Variants in FAM135B observed in about 807,000 individuals in gnomAD.
FAM135B encodes the protein protein FAM135B.
A neutral mutation model predicts 127.7 loss-of-function variants in FAM135B; 43 were observed. The ratio of observed to expected loss-of-function variants is 0.34; its 90% confidence interval spans 0.26 to 0.43. FAM135B has a LOEUF of 0.43. Among genes scored for constraint, FAM135B ranks in the 20% least tolerant of loss-of-function variants. The probability of loss-of-function intolerance (pLI) is 1.00; values close to 1 mark genes in which losing one functional copy is unlikely to be tolerated. For missense variants in FAM135B, 1,558 were observed against 1,725.6 expected (o/e 0.90, Z 1.72); for synonymous variants, 670 against 665.1 (o/e 1.01, Z -0.11).
rs2131113076 is a variant in FAM135B, at chr8:138,195,287, T to C, written c.844A>G (p.Thr282Ala). 6.2e-7 allele frequency: 1 copy of C among 1,613,888 alleles called. No homozygotes were observed. Among genetic ancestry groups the C allele is most frequent in the Non-Finnish European group, 8.5e-7 (1 of 1,179,964 alleles). Reference protein sequence around the residue: ...TELEALAVEETLSQLCSELQM... With the variant: ...TELEALAVEEALSQLCSELQM... ...AGCTCTGAGCACAGCTGAGAAAGTG[T>C]TTCTTCAACAGCAAGGGCCTCTAGA... The change falls in exon 9 of 20, where the codon ACA (threonine) becomes GCA (alanine). Residue 282 changes from threonine to alanine, a missense_variant. Physicochemically the swap from Thr to Ala is moderately conservative, Grantham distance 58. This residue lies in a region of FAM135B where 115 missense variants were observed against 171.1 expected (regional missense o/e 0.67). Transcript: ENST00000395297.
chr8:138,344,322 A>G (rs1303309889), intron 2 of FAM135B, among the ~76,000 whole-genome samples: 1 of 152,208 alleles, frequency 6.6e-6, no homozygotes, highest in African/African-American at 2.4e-5. Context: ...GATGCCCAAC[A>G]GAGAATCACA....
intron 1 of FAM135B, among the ~76,000 whole-genome samples, chr8:138,398,186 C>T (rs1032742202): frequency 6.6e-5 from 10 of 152,174 alleles, no homozygotes; most frequent in Non-Finnish European, 1.2e-4. Flanking sequence ...ACCCAGCACC[C>T]ATCAGAGCCC....
In FAM135B at chr8:138,139,055, G is replaced by A. The variant is rs1816903415; in HGVS notation, c.3832C>T (p.Leu1278=). Residue 1278 remains leucine, a synonymous_variant, in exon 18 of 20, where the codon CTG becomes TTG. Transcript: ENST00000395297. ...MQKLKKSGSL[L]QLTFRDNADL... ...GCATTATCCCTGAAGGTCAGCTGCA[G>A]TAGAGACCCGGATTTCTTCAGTTTC... 1 of 1,613,772 alleles carries A rather than the reference G, an allele frequency of 6.2e-7. No individual in the cohort carries two copies. Among genetic ancestry groups the A allele is most frequent in the Admixed American group, 1.7e-5 (1 of 60,002 alleles).
At chr8:138,302,712 C>T (rs12680916) in intron 3 of FAM135B, among the ~76,000 whole-genome samples, 13,389 of 152,262 alleles carry the variant, frequency 0.088, 1,063 homozygotes, top group East Asian at 0.25. Flanking sequence ...GGGCCTCCCC[C>T]CTCCCAAGCC....
intron 12 of FAM135B, among the ~76,000 whole-genome samples, chr8:138,157,516 T>C (rs981541325): frequency 1.3e-5 from 2 of 152,186 alleles, no homozygotes; most frequent in African/African-American, 4.8e-5. Context: ...TGTCTCTGTT[T>C]GCAGATGACA....
chr8:138,185,107 G>A (rs1815429608), intron 9 of FAM135B, among the ~76,000 whole-genome samples: 1 of 152,144 alleles, frequency 6.6e-6, no homozygotes, highest in South Asian at 2.1e-4. Context: ...TGCGGGACAG[G>A]GAAAGGAGAG....
intron 4 of FAM135B, 114 bp downstream of exon 4, chr8:138,265,589 G>A (rs1322109824): frequency 2.6e-5 from 31 of 1,200,340 alleles, no homozygotes; most frequent in Non-Finnish European, 3.4e-5. Context: ...ACTAATCTCT[G>A]TCAGATTTCA....
chr8:138,150,052 G>A (rs531829155), intron 13 of FAM135B, among the ~76,000 whole-genome samples: 6 of 152,276 alleles, frequency 3.9e-5, no homozygotes, highest in South Asian at 2.1e-4. Flanking sequence ...TGGAGACACC[G>A]TTAATATGTA....
At chr8:138,378,111 C>T (rs1352403461) in intron 1 of FAM135B, among the ~76,000 whole-genome samples, 1 of 152,312 alleles carries the variant, frequency 6.6e-6, no homozygotes, top group South Asian at 2.1e-4. Context: ...TGTTTACATG[C>T]AGAATTGGGG....
intron 2 of FAM135B, among the ~76,000 whole-genome samples, chr8:138,349,264 C>T (rs1354567289): frequency 6.6e-6 from 1 of 152,200 alleles, no homozygotes; most frequent in African/African-American, 2.4e-5. Flanking sequence ...GGACCCAGAA[C>T]ATGTGTTTTG....
At chr8:138,175,070 T>C (rs908954981) in intron 11 of FAM135B, among the ~76,000 whole-genome samples, 1 of 152,224 alleles carries the variant, frequency 6.6e-6, no homozygotes, top group Admixed American at 6.5e-5. Flanking sequence ...AGTAACTAGT[T>C]TGATGTCACA....
At chr8:138,447,318 G>A (rs1243610471) in intron 1 of FAM135B, among the ~76,000 whole-genome samples, 1 of 152,012 alleles carries the variant, frequency 6.6e-6, no homozygotes, top group Non-Finnish European at 1.5e-5. Flanking sequence ...TATACCCAAA[G>A]GATTATAAAT....
At chr8:138,168,490 AC>A (rs1190236050) in intron 11 of FAM135B, among the ~76,000 whole-genome samples, 17 of 152,114 alleles carry the variant, frequency 1.1e-4, no homozygotes, top group African/African-American at 4.1e-4. Flanking sequence ...TTGAATTAAA[AC>A]CTATCTAAAA....
chr8:138,349,806 T>C (rs561128214), intron 2 of FAM135B, among the ~76,000 whole-genome samples: 1 of 152,268 alleles, frequency 6.6e-6, no homozygotes, highest in South Asian at 2.1e-4. Context: ...GGAAAGCATG[T>C]TCAAGAATCC....
At chr8:138,353,055 T>A (rs940201310) in intron 2 of FAM135B, among the ~76,000 whole-genome samples, 12 of 152,186 alleles carry the variant, frequency 7.9e-5, no homozygotes, top group African/African-American at 2.9e-4. Context: ...AGCCAAATGA[T>A]GTTCTGACCC....
intron 1 of FAM135B, among the ~76,000 whole-genome samples, chr8:138,490,612 C>T (rs1179386338): frequency 6.6e-6 from 1 of 152,220 alleles, no homozygotes; most frequent in Non-Finnish European, 1.5e-5. Flanking sequence ...GCCTACACCA[C>T]TCTGCCTCTA....
intron 11 of FAM135B, among the ~76,000 whole-genome samples, chr8:138,174,782 G>C (rs1365078687): frequency 6.6e-6 from 1 of 152,096 alleles, no homozygotes; most frequent in Non-Finnish European, 1.5e-5. Flanking sequence ...GACCTTCTGT[G>C]ACAATTCATG....
chr8:138,352,403 C>A (rs1253864626), intron 2 of FAM135B, among the ~76,000 whole-genome samples: 2 of 152,188 alleles, frequency 1.3e-5, no homozygotes, highest in East Asian at 3.8e-4. Flanking sequence ...ATAAACATCA[C>A]CTTGTAAATA....
intron 1 of FAM135B, among the ~76,000 whole-genome samples, chr8:138,465,421 G>A (rs1837333084): frequency 6.6e-6 from 1 of 152,116 alleles, no homozygotes; most frequent in South Asian, 2.1e-4. Flanking sequence ...GGTAAGTAAG[G>A]GGTGGTACCA....
Sources: allele counts gnomAD v4.1 joint callset (sites outside exome capture counted in the v4.1 genomes callset), GRCh38; gene constraint gnomAD v4.1.1; regional missense constraint gnomAD v4.1.1; transcripts MANE v1.5; gene names NCBI Gene and HGNC (gene_info 2026-07-23, HGNC 2026-07-21).